Variants in TFPI observed in about 807,000 individuals in gnomAD.
The protein encoded by TFPI is tissue factor pathway inhibitor, also known as anti-convertin.
A neutral mutation model predicts 34.6 loss-of-function variants in TFPI; 15 were observed. The observed-to-expected ratio is 0.43, with a 90% CI of 0.29 to 0.67. The LOEUF is 0.67. Among genes scored for constraint, TFPI ranks in the 30% least tolerant of loss-of-function variants. TFPI has a pLI of 0.15. For synonymous variants in TFPI, 105 were observed against 120.1 expected (o/e 0.87, Z 0.82); for missense variants, 301 against 364.0 (o/e 0.83, Z 1.41).
chr2:187,507,256 G>T (rs538796666), intron 1 of TFPI, among the ~76,000 whole-genome samples: 1 of 152,088 alleles, frequency 6.6e-6, no homozygotes, highest in Admixed American at 6.6e-5. Context: ...TTTTATGTCT[G>T]CATAGTATTC....
At chr2:187,491,611 CACTT>C (rs908242322) in intron 3 of TFPI, among the ~76,000 whole-genome samples, 24 of 152,128 alleles carry the variant, frequency 1.6e-4, no homozygotes, top group Admixed American at 1.2e-3. Context: ...TGTTAATAGA[CACTT>C]ACGTTGATTT....
chr2:187,496,550 T>A (rs1685492164), intron 3 of TFPI, among the ~76,000 whole-genome samples: 1 of 152,244 alleles, frequency 6.6e-6, no homozygotes, highest in South Asian at 2.1e-4. Context: ...GCCTCATATT[T>A]TATAATTCAC....
chr2:187,518,927 A>G (rs1687186810), intron 1 of TFPI: 1 of 151,940 alleles, frequency 6.6e-6, no homozygotes, highest in African/African-American at 2.4e-5. Flanking sequence ...TTTCTGCTAG[A>G]TTGATTCAGC....
intron 6 of TFPI, among the ~76,000 whole-genome samples, chr2:187,475,759 A>T (rs541746523): frequency 1.3e-5 from 2 of 152,332 alleles, no homozygotes; most frequent in Admixed American, 1.3e-4. Flanking sequence ...AACCACTAAG[A>T]TATGTCATTC....
chr2:187,507,196 A>G (rs1189491716), intron 1 of TFPI, among the ~76,000 whole-genome samples: 3 of 152,128 alleles, frequency 2.0e-5, no homozygotes, highest in Non-Finnish European at 2.9e-5. Flanking sequence ...GCTGAGAATG[A>G]TGGTTTCCAG....
chr2:187,540,562 T>A (rs906071170), intron 1 of TFPI, among the ~76,000 whole-genome samples: 1 of 152,118 alleles, frequency 6.6e-6, no homozygotes, highest in Non-Finnish European at 1.5e-5. Flanking sequence ...TATAAAGAGA[T>A]GACTTCTTTT....
chr2:187,498,478 T>A (rs1385049947), intron 2 of TFPI, among the ~76,000 whole-genome samples: 1 of 151,816 alleles, frequency 6.6e-6, no homozygotes, highest in South Asian at 2.1e-4. Flanking sequence ...ATTTTTTATA[T>A]GAGTCATAAA....
At chr2:187,499,316 T>G (rs1157914287) in intron 2 of TFPI, among the ~76,000 whole-genome samples, 1 of 152,036 alleles carries the variant, frequency 6.6e-6, no homozygotes, top group Non-Finnish European at 1.5e-5. Flanking sequence ...ATAACAAATA[T>G]AATTGAGGAT....
intron 1 of TFPI, among the ~76,000 whole-genome samples, chr2:187,507,067 C>A (rs1165470864): frequency 6.6e-6 from 1 of 152,070 alleles, no homozygotes; most frequent in East Asian, 1.9e-4. Flanking sequence ...TAGCCTCCCA[C>A]CCCCTGACAG....
chr2:187,528,696 C>T (rs1341172555), intron 1 of TFPI, among the ~76,000 whole-genome samples: 3 of 152,004 alleles, frequency 2.0e-5, no homozygotes, highest in African/African-American at 7.2e-5. Context: ...GTATCTCATA[C>T]TCACCTTAAA....
intron 1 of TFPI, among the ~76,000 whole-genome samples, chr2:187,510,096 A>G (rs1686517845): frequency 6.6e-6 from 1 of 152,192 alleles, no homozygotes; most frequent in Non-Finnish European, 1.5e-5. Flanking sequence ...AACTCCAGCT[A>G]ACAGAGACTA....
chr2:187,505,110 T>A (rs1001625238), intron 1 of TFPI, among the ~76,000 whole-genome samples: 2 of 132,578 alleles, frequency 1.5e-5, no homozygotes, highest in Non-Finnish European at 3.2e-5. Flanking sequence ...CTTCTAATCC[T>A]TATCGCATTT....
At chr2:187,531,591 T>A (rs944064332) in intron 1 of TFPI, among the ~76,000 whole-genome samples, 5 of 152,138 alleles carry the variant, frequency 3.3e-5, no homozygotes, top group African/African-American at 1.2e-4. Flanking sequence ...ATGATTTATA[T>A]GATCATGATA....
chr2:187,467,607 C>A (rs13421593), intron 7 of TFPI, 146 bp downstream of exon 7: 2 of 644,182 alleles, frequency 3.1e-6, no homozygotes, highest in East Asian at 6.4e-5. Flanking sequence ...GCAATATTAT[C>A]TAAATGTAAT....
In TFPI at chr2:187,520,918, C is replaced by T. The variant is rs147112918; in HGVS notation, c.-2-17148G>A. ...GCTCCTGTACTTCTTTGAGATAGCT[C>T]CATCAATATGAGTTTTTAATTTTTT... On this transcript the variant is annotated intron_variant, in intron 1 of 7. Coordinates refer to ENST00000233156, the MANE Select transcript of TFPI (RefSeq NM_006287.6). 2.3e-3 allele frequency among the ~76,000 whole-genome samples: 349 copies of T among 152,092 alleles called. 4 individuals carry two copies. The highest frequency in any genetic ancestry group is 7.6e-3 in the African/African-American group (315 of 41,424).
chr2:187,500,415 A>G (rs1439394088), intron 2 of TFPI, among the ~76,000 whole-genome samples: 1 of 152,188 alleles, frequency 6.6e-6, no homozygotes, highest in Non-Finnish European at 1.5e-5. Context: ...TATCTCACAC[A>G]TTCTTAATAA....
Position 187,464,509 on chromosome 2 carries a change from T to G in TFPI, c.*2427A>C, listed in dbSNP as rs1393234604. 1 of 152,166 alleles carries G rather than the reference T, an allele frequency of 6.6e-6. No homozygotes were observed. The highest frequency in any genetic ancestry group is 1.5e-5 in the Non-Finnish European group (1 of 68,018). The allele number at this position is 152,166 out of a possible 1,614,324, so 9.4% of individuals were successfully genotyped here. A position where few individuals can be genotyped will look rare whatever the true frequency, so the allele number is the denominator to read the frequency against. On this transcript the variant is annotated 3_prime_UTR_variant, in exon 8 of 8. Coordinates refer to ENST00000233156, the MANE Select transcript of TFPI (RefSeq NM_006287.6). ...TTTCAAGCCATCTCAGTATATGTCT[T>G]TCTTGAGTAAGTAGTGAACCAATGG...
At chr2:187,479,671 A>G (rs1340087788) in intron 6 of TFPI, among the ~76,000 whole-genome samples, 4 of 149,806 alleles carry the variant, frequency 2.7e-5, no homozygotes, top group African/African-American at 4.9e-5. Context: ...TTTTAAGTCA[A>G]TGCATACATA....
chr2:187,506,454 A>C (rs1291183659), intron 1 of TFPI, among the ~76,000 whole-genome samples: 1 of 152,132 alleles, frequency 6.6e-6, no homozygotes, highest in Non-Finnish European at 1.5e-5. Context: ...TCGTTAATAT[A>C]CCAAAATTGA....
Sources: gnomAD v4.1 joint callset for allele counts (sites outside exome capture counted in the v4.1 genomes callset) on GRCh38, gnomAD v4.1.1 for gene constraint, MANE v1.5 for transcripts, NCBI Gene and HGNC (gene_info 2026-07-23, HGNC 2026-07-21) for gene names.